The following NR3C2 variants were observed in gnomAD, a reference collection of about 807,000 sequenced individuals.
The protein encoded by NR3C2 is mineralocorticoid receptor.
NR3C2 carries 15 observed loss-of-function variants against 86.4 expected under a neutral mutation model. The observed-to-expected ratio is 0.17, with a 90% confidence interval of 0.12 to 0.27. NR3C2 has a LOEUF of 0.27. Ranked by LOEUF, NR3C2 falls within the 10% of genes least tolerant of loss-of-function variation. The probability of loss-of-function intolerance (pLI) is 1.00; values close to 1 mark genes in which losing one functional copy is unlikely to be tolerated. For missense variants in NR3C2, 960 were observed against 1,195.6 expected (o/e 0.80, Z 2.91); for synonymous variants, 458 against 450.5 (o/e 1.02, Z -0.21).
At chr4:148,086,739 CA>C (rs1730832163) in intron 8 of NR3C2, among the ~76,000 whole-genome samples, 1 of 151,918 alleles carries the variant, frequency 6.6e-6, no homozygotes. Flanking sequence ...GAGACTGTCT[CA>C]AAAAACAGAC....
intron 2 of NR3C2, among the ~76,000 whole-genome samples, chr4:148,431,731 C>T (rs150842184): frequency 6.6e-6 from 1 of 152,246 alleles, no homozygotes; most frequent in African/African-American, 2.4e-5. Context: ...TTAACCTGAG[C>T]AAGAATCATT....
At chr4:148,406,446 G>T (rs1027947932) in intron 2 of NR3C2, among the ~76,000 whole-genome samples, 1 of 152,124 alleles carries the variant, frequency 6.6e-6, no homozygotes, top group Non-Finnish European at 1.5e-5. Flanking sequence ...GAGCAAGGAC[G>T]TTGTGGTGGT....
chr4:148,236,870 C>T (rs1277336234), intron 3 of NR3C2, among the ~76,000 whole-genome samples: 1 of 152,154 alleles, frequency 6.6e-6, no homozygotes, highest in Non-Finnish European at 1.5e-5. Context: ...TGCAAAAACA[C>T]TTAAGATTAA....
intron 2 of NR3C2, among the ~76,000 whole-genome samples, chr4:148,311,267 A>C (rs1742886401): frequency 6.6e-6 from 1 of 152,182 alleles, no homozygotes. Context: ...ACTTCTCCCC[A>C]AATTCTGAAA....
intron 2 of NR3C2, among the ~76,000 whole-genome samples, chr4:148,334,249 C>T (rs1190341679): frequency 6.6e-6 from 1 of 152,156 alleles, no homozygotes; most frequent in Non-Finnish European, 1.5e-5. Flanking sequence ...GGCTATAGAA[C>T]TTACACAAAT....
chr4:148,227,261 G>T (rs1738223871), intron 3 of NR3C2, among the ~76,000 whole-genome samples: 1 of 152,046 alleles, frequency 6.6e-6, no homozygotes, highest in Non-Finnish European at 1.5e-5. Context: ...TTTTGAGTTT[G>T]AATTGTCTGA....
At chr4:148,157,295 T>C (rs1344009427) in intron 4 of NR3C2, among the ~76,000 whole-genome samples, 3 of 151,960 alleles carry the variant, frequency 2.0e-5, no homozygotes, top group Non-Finnish European at 4.4e-5. Flanking sequence ...CCCTAAAACT[T>C]AAAGTATAAT....
At chr4:148,338,638 G>A (rs114504534) in intron 2 of NR3C2, among the ~76,000 whole-genome samples, 144 of 152,256 alleles carry the variant, frequency 9.5e-4, no homozygotes, top group African/African-American at 3.3e-3. Context: ...ACAAACCCTT[G>A]GTCACGGCAC....
At chr4:148,102,933 T>C (rs891572883) in intron 8 of NR3C2, among the ~76,000 whole-genome samples, 3 of 152,146 alleles carry the variant, frequency 2.0e-5, no homozygotes, top group African/African-American at 7.2e-5. Flanking sequence ...ACAGATGTGG[T>C]GAAAATGCCT....
At chr4:148,284,417 C>A (rs1337044962) in intron 2 of NR3C2, among the ~76,000 whole-genome samples, 4 of 152,130 alleles carry the variant, frequency 2.6e-5, no homozygotes, top group Non-Finnish European at 2.9e-5. Context: ...GATAAAAGAA[C>A]ATGTCTGAGT....
At chr4:148,106,001 C>T (rs1731780061) in intron 8 of NR3C2, among the ~76,000 whole-genome samples, 2 of 152,176 alleles carry the variant, frequency 1.3e-5, no homozygotes, top group African/African-American at 2.4e-5. Flanking sequence ...CACTCCTATT[C>T]TACATAGTAC....
At chr4:148,121,536 A>C (rs1275586751) in intron 6 of NR3C2, among the ~76,000 whole-genome samples, 2 of 152,196 alleles carry the variant, frequency 1.3e-5, no homozygotes, top group Admixed American at 6.5e-5. Flanking sequence ...GGATTTTTAA[A>C]AATTAAAAAT....
Position 148,265,185 on chromosome 4 carries a change from C to T in NR3C2, c.1758-5068G>A, listed in dbSNP as rs1205064165. Reference sequence around the variant, plus strand: ...AAAGACAGTATTTCTCTTAGGGAAACACAAGCAAGCTGCAACTATTTTCAG... The same window carrying T: ...AAAGACAGTATTTCTCTTAGGGAAATACAAGCAAGCTGCAACTATTTTCAG... On this transcript the variant is annotated intron_variant, in intron 2 of 8. Transcript: ENST00000358102. Among the ~76,000 whole-genome samples the T allele has an allele frequency of 2.0e-5, 3 of 152,058 alleles. No individual in the cohort carries two copies. The South Asian group carries it at 6.2e-4, about 31-fold the overall frequency.
At chr4:148,301,712 C>T (rs1185249556) in intron 2 of NR3C2, among the ~76,000 whole-genome samples, 3 of 152,174 alleles carry the variant, frequency 2.0e-5, no homozygotes, top group African/African-American at 4.8e-5. Context: ...AATTCTATTT[C>T]ATAACATCAA....
At chr4:148,336,484 A>C (rs1356430203) in intron 2 of NR3C2, among the ~76,000 whole-genome samples, 1 of 152,134 alleles carries the variant, frequency 6.6e-6, no homozygotes, top group East Asian at 1.9e-4. Context: ...GGGAACTTGG[A>C]TAAATGGGAT....
chr4:148,367,974 G>C (rs746091572), intron 2 of NR3C2, among the ~76,000 whole-genome samples: 6 of 151,686 alleles, frequency 4.0e-5, no homozygotes, highest in Admixed American at 1.3e-4. Context: ...CCCTCCTGCT[G>C]TATTTCCTCT....
chr4:148,193,122 T>C (rs1024454738), intron 4 of NR3C2, among the ~76,000 whole-genome samples: 2 of 152,208 alleles, frequency 1.3e-5, no homozygotes, highest in African/African-American at 4.8e-5. Context: ...AGGAGTGGGC[T>C]GCTTGGGGAC....
At chr4:148,421,761 A>G (rs1176654346) in intron 2 of NR3C2, among the ~76,000 whole-genome samples, 1 of 152,166 alleles carries the variant, frequency 6.6e-6, no homozygotes, top group Non-Finnish European at 1.5e-5. Context: ...ACTTTTTAAA[A>G]AAGCATACTT....
intron 2 of NR3C2, among the ~76,000 whole-genome samples, chr4:148,357,854 A>T (rs1745625963): frequency 6.6e-6 from 1 of 151,890 alleles, no homozygotes. Context: ...GAGGAGGGTT[A>T]AAAAAAATGA....
Sources: gnomAD v4.1 joint callset for allele counts (sites outside exome capture counted in the v4.1 genomes callset) on GRCh38, gnomAD v4.1.1 for gene constraint, MANE v1.5 for transcripts, NCBI Gene and HGNC (gene_info 2026-07-23, HGNC 2026-07-21) for gene names.